The following GABRB3 variants were observed in gnomAD, a reference collection of about 807,000 sequenced individuals.
The protein encoded by GABRB3 is gamma-aminobutyric acid type A receptor subunit beta3.
A neutral mutation model predicts 52.1 loss-of-function variants in GABRB3; 14 were observed. The observed-to-expected ratio is 0.27, with a 90% CI of 0.18 to 0.42. The LOEUF (loss-of-function observed/expected upper bound fraction) is 0.42. Among genes scored for constraint, GABRB3 ranks in the 10% least tolerant of loss-of-function variants. GABRB3 has a pLI of 1.00. For missense variants in GABRB3, 307 were observed against 609.1 expected, an observed-to-expected ratio of 0.50 and a Z score of 5.22; for synonymous variants, 260 against 232.3, an observed-to-expected ratio of 1.12 and a Z score of -1.08.
chr15:26,698,615 A>G (rs1259347201), intron 3 of GABRB3, among the ~76,000 whole-genome samples: 1 of 152,200 alleles, frequency 6.6e-6, no homozygotes, highest in Non-Finnish European at 1.5e-5. Context: ...AAAACAAATG[A>G]TAAAACAGAA....
At chr15:26,626,943 C>T (rs376882656) in intron 3 of GABRB3, among the ~76,000 whole-genome samples, 13 of 152,148 alleles carry the variant, frequency 8.5e-5, no homozygotes, top group African/African-American at 2.9e-4. Context: ...GAAGAAGAGG[C>T]CATGTCGGAC....
rs117302844 is a variant in GABRB3, at chr15:26,691,547, T to G, written c.241-70013A>C. Among the ~76,000 whole-genome samples, 1,133 of 152,044 alleles carry G rather than the reference T, an allele frequency of 7.5e-3. 40 individuals carry two copies. Among genetic ancestry groups the G allele is most frequent in the Admixed American group, 0.054 (828 of 15,270 alleles). On this transcript the variant is annotated intron_variant, in intron 3 of 8. Transcript: ENST00000311550. The stretch of plus-strand genomic sequence containing the variant: ...GGATAGATAGGAAGCGAATGACCCA[T>G]GGCGAAGGGAATTTGCAAGCAGGTT...
In GABRB3 at chr15:26,684,361, A is replaced by G. The variant is rs113494881; in HGVS notation, c.241-62827T>C. Among the ~76,000 whole-genome samples the G allele has an allele frequency of 7.2e-3, 1,093 of 152,316 alleles. 23 individuals are homozygous for G. The highest frequency in any genetic ancestry group is 0.025 in the African/African-American group (1,020 of 41,566). ...GCGGAAATGCAGCTGAAGGCGGTCAATCTAGGTGAGGAGAACAAATGATGG... is the reference window on the plus strand; with the variant it reads ...GCGGAAATGCAGCTGAAGGCGGTCAGTCTAGGTGAGGAGAACAAATGATGG... On this transcript the variant is annotated intron_variant, in intron 3 of 8. Transcript: ENST00000311550.
chr15:26,757,454 G>A (rs1186068041), intron 3 of GABRB3, among the ~76,000 whole-genome samples: 3 of 152,160 alleles, frequency 2.0e-5, no homozygotes, highest in African/African-American at 4.8e-5. Flanking sequence ...GAGGACTTAT[G>A]AGTGTCACAA....
At chr15:26,579,079 C>T (rs572197767) in intron 6 of GABRB3, among the ~76,000 whole-genome samples, 18 of 152,186 alleles carry the variant, frequency 1.2e-4, no homozygotes, top group Non-Finnish European at 2.9e-5. Context: ...TGTACTTTGG[C>T]TCTTAGGGGC....
At chr15:26,752,711 T>C (rs1878416897) in intron 3 of GABRB3, among the ~76,000 whole-genome samples, 2 of 152,320 alleles carry the variant, frequency 1.3e-5, no homozygotes, top group African/African-American at 4.8e-5. Flanking sequence ...TCACCTCACA[T>C]CCTTAGCATT....
intron 3 of GABRB3, among the ~76,000 whole-genome samples, chr15:26,670,683 G>A (rs1761658553): frequency 6.6e-6 from 1 of 152,168 alleles, no homozygotes. Context: ...TACTGACACT[G>A]AGAAAATTAT....
intron 3 of GABRB3, among the ~76,000 whole-genome samples, chr15:26,677,008 G>T (rs1204663316): frequency 6.6e-6 from 1 of 152,168 alleles, no homozygotes; most frequent in Non-Finnish European, 1.5e-5. Flanking sequence ...GGGTATGACA[G>T]GTCTGGGACC....
At position 26,620,498 on chromosome 15, in the gene GABRB3, C is replaced by G. The variant is rs115887819; in HGVS notation, c.461+816G>C. Among the ~76,000 whole-genome samples the G allele has an allele frequency of 2.9e-3, 436 of 152,284 alleles. 5 individuals are homozygous for G. The highest frequency in any genetic ancestry group is 9.7e-3 in the African/African-American group (403 of 41,544). ...CTAAGCTATCCACATGTGTCCCACT[C>G]AACACTGAGAGCCACTGCTAGAGGG... On this transcript the variant is annotated intron_variant, in intron 4 of 8. Transcript: ENST00000311550.
intron 3 of GABRB3, among the ~76,000 whole-genome samples, chr15:26,705,044 C>G (rs1208163797): frequency 1.3e-5 from 2 of 152,234 alleles, no homozygotes; most frequent in African/African-American, 4.8e-5. Flanking sequence ...GCAACACTCT[C>G]CTCCTCTGAC....
At chr15:26,773,317 C>G (rs929809346), upstream of GABRB3, among the ~76,000 whole-genome samples, 13 of 150,690 alleles carry the variant, frequency 8.6e-5, no homozygotes, top group Admixed American at 7.3e-4. Context: ...TCTGGGACCG[C>G]GGAGTGCGGG....
intron 3 of GABRB3, among the ~76,000 whole-genome samples, chr15:26,740,552 G>C (rs560486480): frequency 6.6e-6 from 1 of 152,066 alleles, no homozygotes; most frequent in African/African-American, 2.4e-5. Context: ...CACTGGGTCT[G>C]TCTTCTCTCC....
intron 8 of GABRB3, among the ~76,000 whole-genome samples, chr15:26,554,096 TAA>T (rs1391704856): frequency 1.1e-5 from 1 of 87,454 alleles, no homozygotes; most frequent in Non-Finnish European, 2.2e-5. Context: ...TATATATGTA[TAA>T]AGTGTGTGTA....
At chr15:26,554,410 T>C (rs867568970) in intron 8 of GABRB3, among the ~76,000 whole-genome samples, 3 of 151,346 alleles carry the variant, frequency 2.0e-5, no homozygotes, top group Middle Eastern at 6.9e-3. Flanking sequence ...AGACCAGAAT[T>C]AACAAATTCG....
Position 26,674,423 on chromosome 15 carries a change from A to G in GABRB3, c.241-52889T>C, listed in dbSNP as rs1418853471. Among the ~76,000 whole-genome samples the G allele has an allele frequency of 6.3e-3, 801 of 127,826 alleles. 24 individuals carry two copies. Among genetic ancestry groups the G allele is most frequent in the Admixed American group, 0.047 (528 of 11,284 alleles). 83.9% of individuals were successfully genotyped at this position (127,826 alleles called of 152,430 possible). A position where few individuals can be genotyped will look rare whatever the true frequency, so the allele number is the denominator to read the frequency against. ...TTCAAAAAAAAAAAAAAAAAAAAAG[A>G]AAAGAAAAGAAAGGAAAGGAAAGGA... is the stretch of plus-strand genomic sequence containing the variant. On this transcript the variant is annotated intron_variant, in intron 3 of 8. Transcript: ENST00000311550.
intron 6 of GABRB3, among the ~76,000 whole-genome samples, chr15:26,568,944 C>T (rs1240082975): frequency 6.6e-6 from 1 of 152,092 alleles, no homozygotes; most frequent in African/African-American, 2.4e-5. Context: ...GAGGGCCAGC[C>T]AGTGAGAACC....
intron 8 of GABRB3, among the ~76,000 whole-genome samples, chr15:26,554,209 A>ATATATATATTTATTTT (rs1889666539): frequency 1.0e-5 from 1 of 99,796 alleles, no homozygotes; most frequent in Non-Finnish European, 2.0e-5. Flanking sequence ...ATATATATAT[A>ATATATATATTTATTTT]GTAGAAACAA....
At chr15:26,664,424 G>A (rs1409038950) in intron 3 of GABRB3, among the ~76,000 whole-genome samples, 2 of 152,134 alleles carry the variant, frequency 1.3e-5, no homozygotes, top group South Asian at 2.1e-4. Flanking sequence ...GGGCATGGGA[G>A]GAAGAGGGAT....
chr15:26,745,080 G>A (rs892602686), intron 3 of GABRB3, among the ~76,000 whole-genome samples: 1 of 152,032 alleles, frequency 6.6e-6, no homozygotes, highest in Non-Finnish European at 1.5e-5. Flanking sequence ...GATTGGCAGG[G>A]GGAGGTGCCA....
Sources: allele counts gnomAD v4.1 joint callset (sites outside exome capture counted in the v4.1 genomes callset), GRCh38; gene constraint gnomAD v4.1.1; transcripts MANE v1.5; gene names NCBI Gene and HGNC (gene_info 2026-07-23, HGNC 2026-07-21).